Variants in GSE1 observed in about 807,000 individuals in gnomAD.
The protein encoded by GSE1 is Gse1 coiled-coil protein, also known as genetic suppressor element 1.
A neutral mutation model predicts 112.6 loss-of-function variants in GSE1; 32 were observed. That is an observed-to-expected ratio of 0.28 (90% CI 0.21 to 0.38). The LOEUF (loss-of-function observed/expected upper bound fraction) is 0.38. GSE1 is among the 10% of genes least tolerant of loss of function. The pLI, the probability that GSE1 is intolerant of heterozygous loss-of-function variation, is 1.00. For synonymous variants in GSE1, 1,115 were observed against 735.6 expected (o/e 1.52, Z -8.35); for missense variants, 2,348 against 1,699.2 (o/e 1.38, Z -6.71).
chr16:85,666,018 T>C lies in GSE1; in HGVS notation c.2801T>C (p.Val934Ala). 6.2e-7 allele frequency: 1 copy of C among 1,613,468 alleles called. No homozygotes were observed. The highest frequency in any genetic ancestry group is 8.5e-7 in the Non-Finnish European group (1 of 1,179,834). Reference sequence around the variant, plus strand: ...GCCTCTCTGGATGTGGAGAAGCCGGTTGGTGTTGCTGCTTCCTTGTCTGAC... The same window carrying C: ...GCCTCTCTGGATGTGGAGAAGCCGGCTGGTGTTGCTGCTTCCTTGTCTGAC... ...QQASLDVEKP[V>A]GVAASLSDIP... The change falls in exon 13 of 16, where the codon GTT (valine) becomes GCT (alanine). Residue 934 changes from valine (V) to alanine (A), a missense_variant. Transcript: ENST00000253458.
At chr16:85,584,703 A>G (rs1192053398) in intron 1 of GSE1, among the ~76,000 whole-genome samples, 5 of 152,318 alleles carry the variant, frequency 3.3e-5, no homozygotes, top group African/African-American at 9.6e-5. Flanking sequence ...TTAATATTTA[A>G]AACCATCATT....
chr16:85,281,641 A>G (rs2044861081), intron 1 of GSE1, among the ~76,000 whole-genome samples: 1 of 152,198 alleles, frequency 6.6e-6, no homozygotes, highest in African/African-American at 2.4e-5. Flanking sequence ...AAACCCTAGA[A>G]GAATGTAAAA....
chr16:85,656,355 C>T lies in GSE1; in HGVS notation c.1002C>T (p.Asp334=), dbSNP rs529768614. 86 of 1,610,844 alleles carry T rather than the reference C, an allele frequency of 5.3e-5. No individual in the cohort carries two copies. In the East Asian group the frequency reaches 5.8e-4, roughly 11 times the overall value. Residue 334 remains aspartate (D), a synonymous_variant, in exon 7 of 16, where the codon GAC becomes GAT. Coordinates refer to ENST00000253458, the MANE Select transcript of GSE1 (RefSeq NM_014615.5). ...SGLSAERLQM[D]EELRRERERE... ...CCATGTGCTGCAGGCTGCAGATGGA[C>T]GAGGAGCTAAGGCGGGAGAGGGAGC...
chr16:85,517,631 C>T (rs1162010687), intron 2 of GSE1, among the ~76,000 whole-genome samples: 2 of 152,140 alleles, frequency 1.3e-5, no homozygotes, highest in Admixed American at 1.3e-4. Flanking sequence ...GCTCAGCATT[C>T]GCCACCACCT....
At chr16:85,303,321 C>T (rs1435130319) in intron 1 of GSE1, among the ~76,000 whole-genome samples, 1 of 152,234 alleles carries the variant, frequency 6.6e-6, no homozygotes, top group Non-Finnish European at 1.5e-5. Flanking sequence ...TCAGGGCACA[C>T]CCTGGAAGTG....
rs1171806692 is a variant in GSE1, at chr16:85,674,741, G to T, written c.*2202G>T. On this transcript the variant is annotated 3_prime_UTR_variant, in exon 16 of 16. Transcript: ENST00000253458. ...GTTGGATTTTCTATGACAGCACAGG[G>T]GACAGGTGGCACACCATGAGAGGTC... is the stretch of plus-strand genomic sequence containing the variant. The T allele has an allele frequency of 1.3e-5, 2 of 152,260 alleles. No individual in the cohort carries two copies. The highest frequency in any genetic ancestry group is 2.9e-5 in the Non-Finnish European group (2 of 68,024). The allele number at this position is 152,260 out of a possible 1,614,324, so 9.4% of individuals were successfully genotyped here. A position where few individuals can be genotyped will look rare whatever the true frequency, so the allele number is the denominator to read the frequency against.
intron 1 of GSE1, among the ~76,000 whole-genome samples, chr16:85,204,242 T>C (rs944359577): frequency 3.3e-5 from 5 of 152,264 alleles, no homozygotes; most frequent in African/African-American, 1.2e-4. Flanking sequence ...TGTGTTTAGC[T>C]TCTCTCACTT....
At chr16:85,368,140 C>T (rs2151592312) in intron 2 of GSE1, among the ~76,000 whole-genome samples, 1 of 152,276 alleles carries the variant, frequency 6.6e-6, no homozygotes, top group African/African-American at 2.4e-5. Flanking sequence ...AGGCGTGAGC[C>T]ACCGGAAATA....
chr16:85,219,040 C>T (rs543538964), intron 1 of GSE1, among the ~76,000 whole-genome samples: 17 of 152,182 alleles, frequency 1.1e-4, no homozygotes, highest in African/African-American at 3.6e-4. Context: ...CCACCACGAC[C>T]GGCTAGTTTT....
rs544420020 is a variant in GSE1 at position 85,665,209 on chromosome 16, C to T, written c.2758+81C>T. The T allele has an allele frequency of 7.8e-6, 6 of 766,618 alleles. No homozygotes were observed. The African/African-American group carries it at 8.6e-5, about 11-fold the overall frequency. 47.5% of individuals were successfully genotyped at this position (766,618 alleles called of 1,614,324 possible). A position where few individuals can be genotyped will look rare whatever the true frequency, so the allele number is the denominator to read the frequency against. Reference sequence around the variant, plus strand: ...AGGCTCAGAGGCGACCACTCGAGGTCTTCATCATTGTGAATGTGGCCTCCT... The same window carrying T: ...AGGCTCAGAGGCGACCACTCGAGGTTTTCATCATTGTGAATGTGGCCTCCT... On this transcript the variant is annotated intron_variant, in intron 12 of 15. Transcript: ENST00000253458.
At chr16:85,635,986 C>A (rs1030911386) in intron 2 of GSE1, among the ~76,000 whole-genome samples, 1 of 152,244 alleles carries the variant, frequency 6.6e-6, no homozygotes, top group Admixed American at 6.5e-5. Context: ...TGCTGCTGGC[C>A]CCAGCACTTG....
chr16:85,553,461 C>G (rs1160052899), upstream of GSE1, among the ~76,000 whole-genome samples: 1 of 151,774 alleles, frequency 6.6e-6, no homozygotes, highest in East Asian at 1.9e-4. Context: ...CGGCCCCGAG[C>G]GGCCGGTTTC....
intron 2 of GSE1, among the ~76,000 whole-genome samples, chr16:85,359,138 C>T (rs1031492112): frequency 6.6e-6 from 1 of 152,206 alleles, no homozygotes; most frequent in Non-Finnish European, 1.5e-5. Context: ...GGTGGCAGCT[C>T]AGGCTGGGTC....
At chr16:85,458,149 C>T (rs2151817619) in intron 2 of GSE1, among the ~76,000 whole-genome samples, 1 of 152,294 alleles carries the variant, frequency 6.6e-6, no homozygotes, top group Admixed American at 6.5e-5. Flanking sequence ...CGGCACTGAC[C>T]TGGCCTCCCA....
intron 8 of GSE1, chr16:85,659,232 CG>C: frequency 6.6e-6 from 1 of 152,290 alleles, no homozygotes; most frequent in Non-Finnish European, 1.5e-5. Context: ...ACAGGGCTCC[CG>C]GGGCAGGCTA....
At chr16:85,297,269 G>A (rs576258800) in intron 1 of GSE1, among the ~76,000 whole-genome samples, 1 of 152,292 alleles carries the variant, frequency 6.6e-6, no homozygotes, top group African/African-American at 2.4e-5. Context: ...GAAAATTGGG[G>A]CTCACAGGGC....
rs571005721 is a variant in GSE1, at chr16:85,371,003, G to C, written c.2464+13360G>C. Among the ~76,000 whole-genome samples, 902 of 152,342 alleles carry C rather than the reference G, an allele frequency of 5.9e-3. 2 individuals carry two copies. Among genetic ancestry groups the C allele is most frequent in the Non-Finnish European group, 0.01 (688 of 68,028 alleles). ...GAGGGCCTGCGCCCGGCGGTGGCTG[G>C]CTGTGGCCTGCTCCACACCCTCGCG... On this transcript the variant is annotated intron_variant, in intron 2 of 2. Transcript: ENST00000637419.
At chr16:85,409,306 GGC>G (rs1254322774) in intron 2 of GSE1, among the ~76,000 whole-genome samples, 6 of 40,216 alleles carry the variant, frequency 1.5e-4, no homozygotes, top group Admixed American at 4.5e-4. Context: ...TTACACTCAG[GGC>G]CCCCCGGATA....
intron 2 of GSE1, among the ~76,000 whole-genome samples, chr16:85,642,291 A>T (rs1252586784): frequency 2.6e-5 from 4 of 152,238 alleles, no homozygotes; most frequent in Non-Finnish European, 5.9e-5. Flanking sequence ...AGCCTGGGTG[A>T]CAGAGAGAGA....
Sources: gnomAD v4.1 joint callset for allele counts (sites outside exome capture counted in the v4.1 genomes callset) on GRCh38, gnomAD v4.1.1 for gene constraint, MANE v1.5 for transcripts, NCBI Gene and HGNC (gene_info 2026-07-23, HGNC 2026-07-21) for gene names.